Variants in EYA4 observed in about 807,000 individuals in gnomAD.
EYA4 encodes protein phosphatase EYA4.
In EYA4, 31 loss-of-function variants were observed where a neutral mutation model predicts 87.9. That is an observed-to-expected ratio of 0.35 (90% CI 0.27 to 0.48). The LOEUF (loss-of-function observed/expected upper bound fraction) is 0.48, where lower values mean the gene tolerates loss of function less well. Among genes scored for constraint, EYA4 ranks in the 20% least tolerant of loss-of-function variants. EYA4 has a pLI of 0.99. For synonymous variants in EYA4, 263 were observed against 270.6 expected, an observed-to-expected ratio of 0.97 and a Z score of 0.28; for missense variants, 678 against 761.4, an observed-to-expected ratio of 0.89 and a Z score of 1.29.
At chr6:133,351,885 A>G (rs1481898521) in intron 2 of EYA4, among the ~76,000 whole-genome samples, 5 of 152,082 alleles carry the variant, frequency 3.3e-5, no homozygotes, top group Non-Finnish European at 5.9e-5. Flanking sequence ...CATGGTGCCA[A>G]ATTTGTTCAC....
intron 2 of EYA4, among the ~76,000 whole-genome samples, chr6:133,283,064 C>T (rs1474063753): frequency 6.6e-6 from 1 of 152,028 alleles, no homozygotes; most frequent in African/African-American, 2.4e-5. Flanking sequence ...GAGGCTGAGG[C>T]GGGTGGATCA....
intron 2 of EYA4, among the ~76,000 whole-genome samples, chr6:133,283,192 G>T (rs1777766142): frequency 6.6e-6 from 1 of 151,962 alleles, no homozygotes; most frequent in Non-Finnish European, 1.5e-5. Flanking sequence ...TACTTAGAAG[G>T]CTGAGGCATG....
chr6:133,518,906 T>A (rs537637772), intron 17 of EYA4, among the ~76,000 whole-genome samples: 88 of 151,266 alleles, frequency 5.8e-4, no homozygotes, highest in African/African-American at 1.9e-3. Flanking sequence ...ACTGGGTACA[T>A]AACGAAATGA....
intron 1 of EYA4, among the ~76,000 whole-genome samples, chr6:133,266,804 A>C (rs1776258073): frequency 6.6e-6 from 1 of 152,180 alleles, no homozygotes; most frequent in Admixed American, 6.5e-5. Flanking sequence ...ATTTTTCCTA[A>C]AATGGCTATA....
chr6:133,506,971 G>T (rs969647626), intron 14 of EYA4, among the ~76,000 whole-genome samples: 1 of 152,084 alleles, frequency 6.6e-6, no homozygotes, highest in Non-Finnish European at 1.5e-5. Flanking sequence ...GCATAACTAT[G>T]CTGAAATAGA....
At chr6:133,522,045 G>T in intron 17 of EYA4, among the ~76,000 whole-genome samples, 1 of 140,628 alleles carries the variant, frequency 7.1e-6, no homozygotes. Flanking sequence ...CAGCGCACCA[G>T]CATGGCACAT....
At chr6:133,311,573 CCTCCCAAA>C in intron 2 of EYA4, among the ~76,000 whole-genome samples, 1 of 152,214 alleles carries the variant, frequency 6.6e-6, no homozygotes, top group East Asian at 1.9e-4. Context: ...CTTGGTTCAG[CCTCCCAAA>C]ATGCTGAGAT....
chr6:133,530,603 TCA>T lies in EYA4; in HGVS notation c.*1801_*1802del. ...ATAAAGTCTACATTTTGCTCACAGA[TCA>T]CAACATTCACTGTGGAAATATGATT... On this transcript the variant is annotated 3_prime_UTR_variant, in exon 20 of 20. Transcript: ENST00000355286. 1.0e-6 allele frequency: 1 copy of T among 985,796 alleles called. No homozygotes were observed. Among genetic ancestry groups the T allele is most frequent in the Non-Finnish European group, 1.2e-6 (1 of 829,874 alleles). 61.1% of individuals were successfully genotyped at this position (985,796 alleles called of 1,614,324 possible). A position where few individuals can be genotyped will look rare whatever the true frequency, so the allele number is the denominator to read the frequency against.
chr6:133,487,674 C>T (rs1421266756), intron 13 of EYA4, among the ~76,000 whole-genome samples: 2 of 152,130 alleles, frequency 1.3e-5, no homozygotes, highest in Non-Finnish European at 2.9e-5. Flanking sequence ...TGGCAAGATT[C>T]ATCACCTGCT....
At chr6:133,356,791 G>GTGTGTGTA (rs1283165682) in intron 2 of EYA4, among the ~76,000 whole-genome samples, 1 of 112,878 alleles carries the variant, frequency 8.9e-6, no homozygotes, top group African/African-American at 3.2e-5. Context: ...GTGTGTGTGT[G>GTGTGTGTA]TATATATATA....
chr6:133,359,499 A>T (rs7743259), intron 2 of EYA4, among the ~76,000 whole-genome samples: 76,165 of 151,942 alleles, frequency 0.5, 20,946 homozygotes, highest in African/African-American at 0.74. Context: ...TGATTTCAGC[A>T]ATTCCCTTAT....
intron 2 of EYA4, among the ~76,000 whole-genome samples, chr6:133,327,546 A>C (rs779231014): frequency 1.3e-5 from 2 of 152,214 alleles, no homozygotes; most frequent in Non-Finnish European, 2.9e-5. Flanking sequence ...CATAGGGAGC[A>C]ATTTGAAATT....
chr6:133,259,372 A>G (rs1212002452), intron 1 of EYA4, among the ~76,000 whole-genome samples: 1 of 152,192 alleles, frequency 6.6e-6, no homozygotes, highest in Non-Finnish European at 1.5e-5. Flanking sequence ...AAAACACCAA[A>G]TGTATTTGAT....
intron 2 of EYA4, among the ~76,000 whole-genome samples, chr6:133,297,183 C>T (rs894312580): frequency 1.3e-5 from 2 of 152,088 alleles, no homozygotes; most frequent in Non-Finnish European, 2.9e-5. Context: ...CTTTAGATAG[C>T]ATTTGTGTTT....
intron 5 of EYA4, 122 bp from the exon 6 acceptor site, chr6:133,456,434 C>A: frequency 1.3e-6 from 1 of 773,108 alleles, no homozygotes; most frequent in Non-Finnish European, 2.3e-6. Flanking sequence ...AAACTCTCTT[C>A]ATCAACTTCT....
intron 1 of EYA4, among the ~76,000 whole-genome samples, chr6:133,250,367 C>T (rs141489531): frequency 1.1e-3 from 164 of 152,126 alleles, no homozygotes; most frequent in African/African-American, 2.5e-3. Context: ...GGGGGCTGGG[C>T]GCGGTGGCTC....
rs562179045 is a variant in EYA4, at chr6:133,251,833, A to C, written c.-66+10084A>C. 2.8e-4 allele frequency among the ~76,000 whole-genome samples: 43 copies of C among 152,130 alleles called. No individual in the cohort carries two copies. In the South Asian group the frequency reaches 8.9e-3, roughly 32 times the overall value. On this transcript the variant is annotated intron_variant, in intron 1 of 19. Transcript: ENST00000355286. ...TAATATCATTTGATATAGTCAAAAA[A>C]CTCCCAGGGCTCTGCATAAGAGGAT...
At chr6:133,509,401 A>T (rs1202372377) in intron 14 of EYA4, among the ~76,000 whole-genome samples, 1 of 88,434 alleles carries the variant, frequency 1.1e-5, no homozygotes, top group Non-Finnish European at 2.4e-5. Flanking sequence ...TGCTTTTCTT[A>T]AAAAAAAAAA....
At chr6:133,481,297 A>G (rs1200335973) in intron 11 of EYA4, among the ~76,000 whole-genome samples, 166 bp from the exon 12 acceptor site, 1 of 152,206 alleles carries the variant, frequency 6.6e-6, no homozygotes, top group African/African-American at 2.4e-5. Flanking sequence ...GTTTGTGTAA[A>G]CTACAAAAGT....
Sources: gnomAD v4.1 joint callset for allele counts (sites outside exome capture counted in the v4.1 genomes callset) on GRCh38, gnomAD v4.1.1 for gene constraint, MANE v1.5 for transcripts, NCBI Gene and HGNC (gene_info 2026-07-23, HGNC 2026-07-21) for gene names.